Variants in CTNNA3 observed in about 807,000 individuals in gnomAD.
CTNNA3 encodes catenin alpha-3.
In CTNNA3, 76 loss-of-function variants were observed where a neutral mutation model predicts 95.7. The ratio of observed to expected loss-of-function variants is 0.79; its 90% confidence interval spans 0.66 to 0.96. CTNNA3 has a LOEUF of 0.96. Among genes scored for constraint, CTNNA3 ranks in the 40% least tolerant of loss-of-function variants. The probability of loss-of-function intolerance (pLI) is 0.00; values close to 1 mark genes in which losing one functional copy is unlikely to be tolerated. For synonymous variants in CTNNA3, 431 were observed against 374.4 expected, an observed-to-expected ratio of 1.15 and a Z score of -1.74; for missense variants, 1,191 against 1,089.8, an observed-to-expected ratio of 1.09 and a Z score of -1.31.
At chr10:67,731,930 T>TTTCTTG (rs1841277122) in intron 1 of CTNNA3, among the ~76,000 whole-genome samples, 1 of 150,874 alleles carries the variant, frequency 6.6e-6, no homozygotes, top group East Asian at 1.9e-4. Context: ...CCGGCTAATT[T>TTTCTTG]TTTTTGTTTT....
intron 3 of CTNNA3, among the ~76,000 whole-genome samples, chr10:67,583,153 A>C (rs1426508478): frequency 7.2e-5 from 11 of 152,064 alleles, no homozygotes; most frequent in African/African-American, 2.4e-4. Flanking sequence ...TCTTCCTAGC[A>C]TCGATGGTCT....
Position 67,672,350 on chromosome 10 carries a change from G to A in CTNNA3, c.-6+23650C>T, listed in dbSNP as rs1420437634. Among the ~76,000 whole-genome samples the A allele has an allele frequency of 1.1e-4, 16 of 152,222 alleles. No individual in the cohort carries two copies. The South Asian group carries it at 3.1e-3, about 30-fold the overall frequency. On this transcript the variant is annotated intron_variant, in intron 1 of 17. Transcript: ENST00000433211. ...TGGTAGTTTCTTCTGCTGTGCAGAA[G>A]CTCTTGAGTTTAATTAGATCCCATT...
chr10:67,009,303 G>T (rs555841514), intron 7 of CTNNA3, among the ~76,000 whole-genome samples: 32 of 150,944 alleles, frequency 2.1e-4, no homozygotes, highest in Non-Finnish European at 4.6e-4. Flanking sequence ...GTGTTTTTGT[G>T]CATTTGAACT....
intron 15 of CTNNA3, among the ~76,000 whole-genome samples, chr10:66,059,894 C>A (rs896256585): frequency 1.3e-5 from 2 of 152,008 alleles, no homozygotes; most frequent in African/African-American, 4.8e-5. Flanking sequence ...GTGCTTAGAG[C>A]AGCTTTACTT....
At chr10:67,733,708 C>T (rs1841288526) in intron 1 of CTNNA3, among the ~76,000 whole-genome samples, 1 of 152,180 alleles carries the variant, frequency 6.6e-6, no homozygotes, top group Non-Finnish European at 1.5e-5. Flanking sequence ...TCACTCCTTC[C>T]TACCATATTT....
chr10:67,117,979 A>G (rs1371190321), intron 7 of CTNNA3, among the ~76,000 whole-genome samples: 1 of 152,040 alleles, frequency 6.6e-6, no homozygotes, highest in Non-Finnish European at 1.5e-5. Context: ...ATTATTTAAC[A>G]CATTACAGCA....
At chr10:66,645,243 A>C (rs553937080) in intron 9 of CTNNA3, among the ~76,000 whole-genome samples, 1 of 152,210 alleles carries the variant, frequency 6.6e-6, no homozygotes, top group South Asian at 2.1e-4. Context: ...TTAAATTCAC[A>C]CTTCATGATT....
chr10:66,255,161 C>T (rs1382506973), intron 13 of CTNNA3, among the ~76,000 whole-genome samples: 1 of 152,126 alleles, frequency 6.6e-6, no homozygotes, highest in African/African-American at 2.4e-5. Flanking sequence ...TTCTCCTTCA[C>T]ATTAGGTTTG....
chr10:67,383,267 C>T (rs1417255764), intron 5 of CTNNA3, among the ~76,000 whole-genome samples: 1 of 152,034 alleles, frequency 6.6e-6, no homozygotes, highest in African/African-American at 2.4e-5. Flanking sequence ...TCTATTTATT[C>T]ATTTATTCAA....
intron 13 of CTNNA3, among the ~76,000 whole-genome samples, chr10:66,193,135 G>A (rs1045655551): frequency 6.6e-6 from 1 of 152,158 alleles, no homozygotes; most frequent in African/African-American, 2.4e-5. Flanking sequence ...AAGAGGGACT[G>A]AGAATAAACT....
At chr10:66,080,085 A>T (rs952614715) in intron 14 of CTNNA3, among the ~76,000 whole-genome samples, 1 of 152,140 alleles carries the variant, frequency 6.6e-6, no homozygotes, top group Admixed American at 6.6e-5. Context: ...AGAAGTTTCC[A>T]TATTCTGAAA....
intron 4 of CTNNA3, among the ~76,000 whole-genome samples, chr10:67,523,221 A>G (rs541643380): frequency 4.6e-5 from 7 of 152,344 alleles, no homozygotes; most frequent in African/African-American, 1.2e-4. Context: ...ACAAATAATC[A>G]TTTAGAACCT....
chr10:66,632,158 C>T (rs970848921), intron 9 of CTNNA3, among the ~76,000 whole-genome samples: 1 of 152,040 alleles, frequency 6.6e-6, no homozygotes, highest in Middle Eastern at 3.2e-3. Context: ...TGTTATCTCT[C>T]ATAAAATTTG....
chr10:67,072,800 T>C (rs888355379), intron 7 of CTNNA3, among the ~76,000 whole-genome samples: 7 of 152,148 alleles, frequency 4.6e-5, no homozygotes, highest in African/African-American at 1.7e-4. Context: ...AAGAGTTCAA[T>C]GGTATGTTTG....
intron 7 of CTNNA3, among the ~76,000 whole-genome samples, chr10:66,969,151 A>T (rs1849588839): frequency 6.6e-6 from 1 of 152,106 alleles, no homozygotes; most frequent in African/African-American, 2.4e-5. Context: ...GAATATTTTT[A>T]AAAATCAAAT....
At chr10:67,186,455 G>T (rs2132159927) in intron 6 of CTNNA3, among the ~76,000 whole-genome samples, 1 of 152,276 alleles carries the variant, frequency 6.6e-6, no homozygotes, top group South Asian at 2.1e-4. Context: ...TCAAACCGTT[G>T]TCTGTTCTGA....
At chr10:67,737,648 G>GA (rs1841310210) in intron 1 of CTNNA3, among the ~76,000 whole-genome samples, 1 of 152,126 alleles carries the variant, frequency 6.6e-6, no homozygotes, top group South Asian at 2.1e-4. Context: ...AAAGACACAT[G>GA]AAAAAATGCT....
chr10:66,588,232 G>C (rs1275221788), intron 10 of CTNNA3, among the ~76,000 whole-genome samples: 1 of 151,862 alleles, frequency 6.6e-6, no homozygotes, highest in African/African-American at 2.4e-5. Flanking sequence ...TGTGTGTCAC[G>C]GTGGCAGTCT....
chr10:66,836,818 C>A (rs998185956), intron 7 of CTNNA3, among the ~76,000 whole-genome samples: 3 of 152,086 alleles, frequency 2.0e-5, no homozygotes, highest in Non-Finnish European at 2.9e-5. Context: ...AACTATTCTG[C>A]ATAAAATTCT....
Sources: gnomAD v4.1 joint callset for allele counts (sites outside exome capture counted in the v4.1 genomes callset) on GRCh38, gnomAD v4.1.1 for gene constraint, MANE v1.5 for transcripts, NCBI Gene and HGNC (gene_info 2026-07-23, HGNC 2026-07-21) for gene names.